Variants in MYT1L observed in about 807,000 individuals in gnomAD.
The protein encoded by MYT1L is myelin transcription factor 1-like protein.
A neutral mutation model predicts 126.7 loss-of-function variants in MYT1L; 12 were observed. The ratio of observed to expected loss-of-function variants is 0.09; its 90% CI spans 0.06 to 0.15. The LOEUF (loss-of-function observed/expected upper bound fraction) is 0.15, where lower values mean the gene tolerates loss of function less well. Ranked by LOEUF, MYT1L falls within the 10% of genes least tolerant of loss-of-function variation. The probability of loss-of-function intolerance (pLI) is 1.00; values close to 1 mark genes in which losing one functional copy is unlikely to be tolerated. For missense variants in MYT1L, 979 were observed against 1,585.2 expected (o/e 0.62, Z 6.49); for synonymous variants, 541 against 604.2 (o/e 0.90, Z 1.53).
chr2:2,318,560 G>A (rs1158871156), intron 1 of MYT1L, among the ~76,000 whole-genome samples: 1 of 152,096 alleles, frequency 6.6e-6, no homozygotes, highest in Non-Finnish European at 1.5e-5. Context: ...CAGCATATTA[G>A]CTAAAAAAAC....
chr2:1,934,221 G>C (rs193279705), intron 9 of MYT1L, among the ~76,000 whole-genome samples: 1 of 150,458 alleles, frequency 6.6e-6, no homozygotes, highest in Non-Finnish European at 1.5e-5. Flanking sequence ...TGATCCTCCC[G>C]CCTTGGCCTC....
intron 2 of MYT1L, among the ~76,000 whole-genome samples, chr2:2,253,885 G>A (rs1442895555): frequency 1.3e-5 from 2 of 152,184 alleles, no homozygotes; most frequent in Non-Finnish European, 2.9e-5. Flanking sequence ...TGCCTTCAGC[G>A]AGACTGTGAA....
rs1199327924 is a variant in MYT1L, at chr2:1,839,510, GAGAA to G, written c.2859-144_2859-141del. ...GGCTGGGCAAAAGGAAAAGAAAAAA[GAGAA>G]AGAAAGAAAAGTCACTAAAAGACAC... On this transcript the variant is annotated intron_variant, in intron 20 of 24. Transcript: ENST00000647738. 3.9e-5 allele frequency: 29 copies of G among 735,752 alleles called. No individual in the cohort carries two copies. In the Admixed American group the frequency reaches 4.3e-4, roughly 11 times the overall value. 45.6% of individuals were successfully genotyped at this position (735,752 alleles called of 1,614,324 possible).
chr2:2,160,598 A>C (rs1159944857), intron 3 of MYT1L, among the ~76,000 whole-genome samples: 2 of 152,182 alleles, frequency 1.3e-5, no homozygotes. Flanking sequence ...TGCCAACTGT[A>C]AGGCTACAGA....
At chr2:1,995,986 G>A (rs147026030) in intron 5 of MYT1L, among the ~76,000 whole-genome samples, 4 of 152,364 alleles carry the variant, frequency 2.6e-5, no homozygotes, top group Non-Finnish European at 5.9e-5. Flanking sequence ...TATGGAAGAG[G>A]AGAGGGGGAA....
intron 13 of MYT1L, among the ~76,000 whole-genome samples, chr2:1,909,596 C>T (rs1314426951): frequency 6.6e-6 from 1 of 152,194 alleles, no homozygotes; most frequent in Non-Finnish European, 1.5e-5. Flanking sequence ...CCTCCCAAAA[C>T]TTCAATAAAA....
At chr2:2,293,140 A>G (rs1460612205) in intron 1 of MYT1L, among the ~76,000 whole-genome samples, 1 of 152,158 alleles carries the variant, frequency 6.6e-6, no homozygotes, top group Non-Finnish European at 1.5e-5. Context: ...CGGGGAAGTA[A>G]AGCCTCAAAA....
At chr2:2,267,478 G>T (rs886203145) in intron 2 of MYT1L, among the ~76,000 whole-genome samples, 16 of 152,298 alleles carry the variant, frequency 1.1e-4, no homozygotes, top group African/African-American at 3.6e-4. Flanking sequence ...AGCGGATGTG[G>T]CGATACACCA....
intron 3 of MYT1L, among the ~76,000 whole-genome samples, chr2:2,125,331 T>C (rs2081548305): frequency 6.6e-6 from 1 of 152,222 alleles, no homozygotes; most frequent in South Asian, 2.1e-4. Context: ...ATTGAAGATC[T>C]ATTTCTGATT....
At chr2:2,026,936 G>A (rs751227374) in intron 4 of MYT1L, among the ~76,000 whole-genome samples, 13 of 152,228 alleles carry the variant, frequency 8.5e-5, no homozygotes, top group South Asian at 2.1e-4. Context: ...TGAGTGTGGG[G>A]CCCCGTCACG....
At chr2:2,208,036 G>A (rs2093378390) in intron 2 of MYT1L, among the ~76,000 whole-genome samples, 1 of 152,104 alleles carries the variant, frequency 6.6e-6, no homozygotes, top group Non-Finnish European at 1.5e-5. Context: ...TGTTCATTAG[G>A]ATTTAACAAG....
At chr2:2,158,891 A>G (rs973871169) in intron 3 of MYT1L, among the ~76,000 whole-genome samples, 3 of 149,406 alleles carry the variant, frequency 2.0e-5, no homozygotes, top group Non-Finnish European at 3.0e-5. Flanking sequence ...GAATGCTGGT[A>G]TTTCCTGCTG....
chr2:2,033,066 C>A (rs1460135662), intron 4 of MYT1L, among the ~76,000 whole-genome samples: 44 of 135,918 alleles, frequency 3.2e-4, no homozygotes, highest in Middle Eastern at 5.2e-3. Flanking sequence ...CACCCCTCGC[C>A]AGTGCCTCTC....
At chr2:2,177,269 G>C (rs2148593289) in intron 2 of MYT1L, among the ~76,000 whole-genome samples, 1 of 152,328 alleles carries the variant, frequency 6.6e-6, no homozygotes, top group South Asian at 2.1e-4. Context: ...TATATATTTA[G>C]TCACACATAT....
chr2:2,129,660 A>C (rs1488550253), intron 3 of MYT1L, among the ~76,000 whole-genome samples: 3 of 152,212 alleles, frequency 2.0e-5, no homozygotes, highest in African/African-American at 7.2e-5. Flanking sequence ...TAATCCCAGC[A>C]CTTTGGGAGA....
chr2:2,323,811 G>A (rs569490912), intron 1 of MYT1L, among the ~76,000 whole-genome samples: 1 of 152,148 alleles, frequency 6.6e-6, no homozygotes, highest in Admixed American at 6.5e-5. Flanking sequence ...CCAGTAAGTT[G>A]CTGGTTAAAT....
intron 9 of MYT1L, among the ~76,000 whole-genome samples, chr2:1,941,390 C>T (rs2056625420): frequency 6.6e-6 from 1 of 152,188 alleles, no homozygotes; most frequent in African/African-American, 2.4e-5. Context: ...CATTAATCAG[C>T]CTCCACAATT....
At chr2:1,861,857 C>T (rs62114747) in intron 18 of MYT1L, among the ~76,000 whole-genome samples, 14 of 129,300 alleles carry the variant, frequency 1.1e-4, no homozygotes, top group Non-Finnish European at 1.4e-4. Context: ...CCTGTGTAAT[C>T]CTAGATCTGC....
At chr2:2,295,990 G>T (rs1027204393) in intron 1 of MYT1L, among the ~76,000 whole-genome samples, 1 of 152,116 alleles carries the variant, frequency 6.6e-6, no homozygotes, top group African/African-American at 2.4e-5. Context: ...GAGAGAGAGA[G>T]ATTCCAAAGG....
Sources: gnomAD v4.1 joint callset for allele counts (sites outside exome capture counted in the v4.1 genomes callset) on GRCh38, gnomAD v4.1.1 for gene constraint, MANE v1.5 for transcripts, NCBI Gene and HGNC (gene_info 2026-07-23, HGNC 2026-07-21) for gene names.